DAB2IP: variants seen among roughly 807,000 people sequenced by gnomAD.
DAB2IP encodes disabled homolog 2-interacting protein.
In DAB2IP, 28 loss-of-function variants were observed where a neutral mutation model predicts 107.2. The ratio of observed to expected loss-of-function variants is 0.26; its 90% CI spans 0.19 to 0.36. DAB2IP has a LOEUF of 0.36. Among genes scored for constraint, DAB2IP ranks in the 10% least tolerant of loss-of-function variants. The pLI, the probability that DAB2IP is intolerant of heterozygous loss-of-function variation, is 1.00. For synonymous variants in DAB2IP, 755 were observed against 706.4 expected (o/e 1.07, Z -1.09); for missense variants, 1,400 against 1,644.7 (o/e 0.85, Z 2.57).
chr9:121,724,013 A>T (rs1831087427), intron 3 of DAB2IP, among the ~76,000 whole-genome samples: 2 of 152,056 alleles, frequency 1.3e-5, no homozygotes, highest in African/African-American at 4.8e-5. Flanking sequence ...GTTGGGGATG[A>T]TGAGGATGTT....
intron 3 of DAB2IP, among the ~76,000 whole-genome samples, chr9:121,713,408 G>A (rs1830431741): frequency 1.3e-5 from 2 of 152,204 alleles, no homozygotes; most frequent in South Asian, 4.1e-4. Flanking sequence ...GGGTTTCCAA[G>A]CTGTGGGGCC....
intron 2 of DAB2IP, among the ~76,000 whole-genome samples, chr9:121,691,519 C>CA (rs528251007): frequency 0.046 from 3,395 of 73,344 alleles, 118 homozygotes; most frequent in African/African-American, 0.13. Context: ...GACTCCATGT[C>CA]AAAAAAAAAA....
intron 6 of DAB2IP, among the ~76,000 whole-genome samples, chr9:121,763,015 T>C (rs1175121165): frequency 6.6e-6 from 1 of 152,200 alleles, no homozygotes; most frequent in East Asian, 1.9e-4. Context: ...GCAGTGGGGC[T>C]GCACAGAAGG....
intron 1 of DAB2IP, among the ~76,000 whole-genome samples, chr9:121,653,378 A>G (rs1041142342): frequency 2.0e-5 from 3 of 151,988 alleles, no homozygotes; most frequent in African/African-American, 7.3e-5. Flanking sequence ...ACCTGGAGAA[A>G]GGCTTAGTAC....
At chr9:121,737,152 C>G (rs1261551183) in intron 3 of DAB2IP, 1 of 983,810 alleles carries the variant, frequency 1.0e-6, no homozygotes, top group Non-Finnish European at 1.2e-6. Flanking sequence ...AGGGACGGCT[C>G]CTCCCTCTTT....
At chr9:121,609,932 G>T (rs1042586082) in intron 1 of DAB2IP, among the ~76,000 whole-genome samples, 1 of 152,214 alleles carries the variant, frequency 6.6e-6, no homozygotes, top group Non-Finnish European at 1.5e-5. Context: ...AAGCCTGCAG[G>T]TTCCCAGAGA....
chr9:121,661,625 C>T (rs768430952), intron 1 of DAB2IP, among the ~76,000 whole-genome samples: 1 of 152,036 alleles, frequency 6.6e-6, no homozygotes, highest in Non-Finnish European at 1.5e-5. Context: ...GGAAGGTCCC[C>T]GGGAGACAGA....
chr9:121,769,087 C>T (rs1381405835), intron 10 of DAB2IP, among the ~76,000 whole-genome samples: 2 of 152,218 alleles, frequency 1.3e-5, no homozygotes, highest in Non-Finnish European at 2.9e-5. Flanking sequence ...CTGCAGTCAC[C>T]TGAAGTGAGC....
chr9:121,580,586 A>G (rs1043830256), intron 1 of DAB2IP, among the ~76,000 whole-genome samples: 24 of 151,828 alleles, frequency 1.6e-4, no homozygotes, highest in Non-Finnish European at 1.8e-4. Context: ...CCACAGGGGA[A>G]AGGCCTGGAG....
intron 14 of DAB2IP, among the ~76,000 whole-genome samples, chr9:121,780,303 C>A (rs1426092911): frequency 6.6e-6 from 1 of 152,190 alleles, no homozygotes; most frequent in Non-Finnish European, 1.5e-5. Flanking sequence ...AGAGTGATAC[C>A]TTCCTGTACT....
intron 3 of DAB2IP, among the ~76,000 whole-genome samples, chr9:121,705,759 A>T (rs966358183): frequency 3.9e-5 from 6 of 152,176 alleles, no homozygotes; most frequent in African/African-American, 1.4e-4. Flanking sequence ...GCCCAGGCCC[A>T]GGTGCCAGGC....
intron 6 of DAB2IP, among the ~76,000 whole-genome samples, chr9:121,761,675 A>G (rs534471718): frequency 6.6e-6 from 1 of 152,164 alleles, no homozygotes; most frequent in African/African-American, 2.4e-5. Context: ...TTTCCTCTGT[A>G]GTGCTCAGCT....
rs1833792607 is a variant in DAB2IP at position 121,760,222 on chromosome 9, C to T, written c.953C>T (p.Pro318Leu). The change falls in exon 6 of 16, where the codon CCC (proline) becomes CTC (leucine). Residue 318 changes from proline to leucine, a missense_variant. By Grantham distance (98) the Pro-to-Leu change is moderately conservative. Transcript: ENST00000408936. The surrounding 1 kb of genome is among the most constrained non-coding windows in gnomAD (Gnocchi z 5.9). ...TGGTACCCGGTGGTGACGCCCAACCCCAAGGGCGGCAAGGGCCCTGGACCC... is the reference window on the plus strand; with the variant it reads ...TGGTACCCGGTGGTGACGCCCAACCTCAAGGGCGGCAAGGGCCCTGGACCC... 6.2e-7 allele frequency: 1 copy of T among 1,613,664 alleles called. No homozygotes were observed. The highest frequency in any genetic ancestry group is 1.3e-5 in the African/African-American group (1 of 74,902).
At chr9:121,626,121 G>A (rs1831637840) in intron 1 of DAB2IP, among the ~76,000 whole-genome samples, 1 of 152,170 alleles carries the variant, frequency 6.6e-6, no homozygotes, top group Admixed American at 6.5e-5. Flanking sequence ...GGCAAGATGA[G>A]TGGCCCCAGA....
At chr9:121,740,554 G>C (rs1401102363) in intron 3 of DAB2IP, among the ~76,000 whole-genome samples, 1 of 152,170 alleles carries the variant, frequency 6.6e-6, no homozygotes, top group African/African-American at 2.4e-5. Context: ...AGAAGTTTGA[G>C]ATGTTTTACA....
At chr9:121,737,818 G>A (rs935836205) in intron 3 of DAB2IP, 25 of 978,934 alleles carry the variant, frequency 2.6e-5, no homozygotes, top group South Asian at 1.4e-4. Flanking sequence ...GGCTTTGGTC[G>A]GGCTGGAGGG....
intron 10 of DAB2IP, 74 bp from the exon 11 acceptor site, chr9:121,770,472 T>C (rs962364622): frequency 2.6e-6 from 4 of 1,526,230 alleles, no homozygotes; most frequent in Admixed American, 1.8e-5. Flanking sequence ...TTTTGAGCCA[T>C]AGTGGCTGCA....
At chr9:121,624,079 G>C (rs945958968) in intron 1 of DAB2IP, among the ~76,000 whole-genome samples, 2 of 152,176 alleles carry the variant, frequency 1.3e-5, no homozygotes, top group African/African-American at 4.8e-5. Flanking sequence ...AGACTTGGAG[G>C]TACCTTAGAT....
chr9:121,691,867 G>A (rs929643501), intron 2 of DAB2IP, among the ~76,000 whole-genome samples: 1 of 152,212 alleles, frequency 6.6e-6, no homozygotes, highest in Admixed American at 6.5e-5. Context: ...CTGATGGGCA[G>A]GAGAAATGTT....
Sources: gnomAD v4.1 joint callset for allele counts (sites outside exome capture counted in the v4.1 genomes callset) on GRCh38, gnomAD v4.1.1 for gene constraint, Gnocchi (gnomAD v3.1) non-coding constraint, MANE v1.5 for transcripts, NCBI Gene and HGNC (gene_info 2026-07-23, HGNC 2026-07-21) for gene names.